LGSN: variants seen among roughly 807,000 people sequenced by gnomAD.
LGSN encodes the protein lengsin, lens protein with glutamine synthetase domain.
A neutral mutation model predicts 19.5 loss-of-function variants in LGSN; 21 were observed. The observed-to-expected ratio is 1.07, with a 90% CI of 0.76 to 1.55. The LOEUF (loss-of-function observed/expected upper bound fraction) is 1.55, where lower values mean the gene tolerates loss of function less well. LGSN is among the 40% of genes most tolerant of loss of function. The probability of loss-of-function intolerance (pLI) is 0.00; values close to 1 mark genes in which losing one functional copy is unlikely to be tolerated. For synonymous variants in LGSN, 257 were observed against 215.6 expected (o/e 1.19, Z -1.68); for missense variants, 673 against 608.5 (o/e 1.11, Z -1.12).
the LGSN span, among the ~76,000 whole-genome samples, chr6:63,519,855 T>C: frequency 7.9e-5 from 12 of 152,340 alleles, no homozygotes; most frequent in Admixed American, 2.0e-4. Flanking sequence ...AATTTATCAA[T>C]AAAAACCATT....
chr6:63,480,522 A>G, the LGSN span: 2 of 153,302 alleles, frequency 1.3e-5, no homozygotes, highest in Non-Finnish European at 2.9e-5. Context: ...GAATCAAAGA[A>G]AGCCAAAAAA....
the LGSN span, among the ~76,000 whole-genome samples, chr6:63,414,684 A>G: frequency 6.6e-6 from 1 of 152,252 alleles, no homozygotes; most frequent in Non-Finnish European, 1.5e-5. Flanking sequence ...CAACACTTTC[A>G]GAGGCAGTTC....
At chr6:63,477,202 C>T in the LGSN span, among the ~76,000 whole-genome samples, 2 of 152,152 alleles carry the variant, frequency 1.3e-5, no homozygotes, top group African/African-American at 4.8e-5. Flanking sequence ...ACAAAACAAA[C>T]TTTCATAAGC....
the LGSN span, among the ~76,000 whole-genome samples, chr6:63,454,793 CTT>C: frequency 2.2e-5 from 2 of 91,740 alleles, no homozygotes; most frequent in Non-Finnish European, 4.0e-5. Flanking sequence ...TTTTCTTTTT[CTT>C]TTTTTTTTTT....
At chr6:63,376,228 CT>C in the LGSN span, among the ~76,000 whole-genome samples, 1 of 152,104 alleles carries the variant, frequency 6.6e-6, no homozygotes, top group Non-Finnish European at 1.5e-5. Flanking sequence ...AGAGAAAAAG[CT>C]TTCTATTTCT....
chr6:63,443,607 C>G, the LGSN span: 1 of 1,044,936 alleles, frequency 9.6e-7, no homozygotes, highest in Non-Finnish European at 1.2e-6. Flanking sequence ...CCTGCTGCCT[C>G]CCAGCCTTGG....
the LGSN span, among the ~76,000 whole-genome samples, chr6:63,545,032 G>T: frequency 6.6e-6 from 1 of 152,082 alleles, no homozygotes; most frequent in Non-Finnish European, 1.5e-5. Flanking sequence ...ATTTCCAAAT[G>T]GTGATTTCTA....
the LGSN span, among the ~76,000 whole-genome samples, chr6:63,522,599 G>A: frequency 1.3e-5 from 2 of 152,132 alleles, no homozygotes; most frequent in East Asian, 1.9e-4. Context: ...TACATTATTT[G>A]TATTAGTTAA....
chr6:63,450,348 G>A, the LGSN span, among the ~76,000 whole-genome samples: 1 of 151,400 alleles, frequency 6.6e-6, no homozygotes, highest in Admixed American at 6.6e-5. Context: ...GCGACAGAGT[G>A]AGACTCCATC....
chr6:63,485,506 G>A, the LGSN span, among the ~76,000 whole-genome samples: 2 of 152,128 alleles, frequency 1.3e-5, no homozygotes, highest in Non-Finnish European at 2.9e-5. Flanking sequence ...ATGCGTACAT[G>A]TGTCTTTATA....
At chr6:63,306,607 C>T (rs1285234688) in intron 1 of LGSN, among the ~76,000 whole-genome samples, 1 of 151,992 alleles carries the variant, frequency 6.6e-6, no homozygotes, top group Admixed American at 6.5e-5. Context: ...CTAGTAGAGG[C>T]AATAAAGTGT....
the LGSN span, among the ~76,000 whole-genome samples, chr6:63,512,249 G>A: frequency 6.6e-6 from 1 of 151,998 alleles, no homozygotes; most frequent in Admixed American, 6.6e-5. Flanking sequence ...CTGCCAGCTA[G>A]TTTTTGTATT....
Position 63,281,054 on chromosome 6 carries a change from G to A in LGSN, c.497C>T (p.Ala166Val). Reference protein sequence around the residue: ...FRVLPWADRTARVICDTFTVT... With the variant: ...FRVLPWADRTVRVICDTFTVT... ...AGTGAAGGTATCACATATCACTCTT[G>A]CAGTTCTGTCAGCCCATGGCAAAAC... Residue 166 changes from alanine (A) to valine (V), a missense_variant, in exon 4 of 4, where the codon GCA (alanine) becomes GTA (valine). Physicochemically the swap from Ala to Val is moderately conservative, Grantham distance 64. Coordinates refer to ENST00000370657, the MANE Select transcript of LGSN (RefSeq NM_016571.3). The A allele has an allele frequency of 6.2e-7, 1 of 1,613,888 alleles. No individual in the cohort carries two copies. The highest frequency in any genetic ancestry group is 8.5e-7 in the Non-Finnish European group (1 of 1,179,928).
the LGSN span, among the ~76,000 whole-genome samples, chr6:63,557,867 C>T: frequency 5.3e-5 from 8 of 151,640 alleles, no homozygotes; most frequent in Admixed American, 6.6e-5. Flanking sequence ...ATCAGATATG[C>T]ATTTTTTAAA....
chr6:63,549,991 T>A, the LGSN span, among the ~76,000 whole-genome samples: 1 of 152,214 alleles, frequency 6.6e-6, no homozygotes. Context: ...GATAAATGTT[T>A]GAGATGAGGA....
chr6:63,517,958 G>A, the LGSN span, among the ~76,000 whole-genome samples: 1 of 152,102 alleles, frequency 6.6e-6, no homozygotes, highest in African/African-American at 2.4e-5. Flanking sequence ...TTCAAGACGA[G>A]CCTGGCCAGC....
At chr6:63,542,022 G>GGTGTGTGTGT in the LGSN span, among the ~76,000 whole-genome samples, 1,123 of 146,826 alleles carry the variant, frequency 7.6e-3, 10 homozygotes, top group African/African-American at 0.025. Context: ...AAGAAACTGT[G>GGTGTGTGTGT]GTGTGTGTGT....
chr6:63,519,581 T>C, the LGSN span, among the ~76,000 whole-genome samples: 54 of 152,204 alleles, frequency 3.5e-4, no homozygotes, highest in Admixed American at 4.6e-4. Context: ...GTTTGTTCCA[T>C]ATACTTGGCA....
the LGSN span, among the ~76,000 whole-genome samples, chr6:63,342,004 C>T: frequency 6.6e-6 from 1 of 152,164 alleles, no homozygotes; most frequent in Non-Finnish European, 1.5e-5. Flanking sequence ...CATTTTAGAG[C>T]TGGTAGCAGT....
Sources: allele counts gnomAD v4.1 joint callset (sites outside exome capture counted in the v4.1 genomes callset), GRCh38; gene constraint gnomAD v4.1.1; transcripts MANE v1.5; gene names NCBI Gene and HGNC (gene_info 2026-07-23, HGNC 2026-07-21).